The following CKAP5 variants were observed in gnomAD, a reference collection of about 807,000 sequenced individuals.
CKAP5 encodes the protein cytoskeleton associated protein 5.
CKAP5 carries 27 observed loss-of-function variants against 232.8 expected under a neutral mutation model. The ratio of observed to expected loss-of-function variants is 0.12; its 90% CI spans 0.09 to 0.16. The LOEUF is 0.16. CKAP5 is among the 10% of genes least tolerant of loss of function. CKAP5 has a pLI of 1.00. For missense variants in CKAP5, 1,838 were observed against 2,424.7 expected, an observed-to-expected ratio of 0.76 and a Z score of 5.08; for synonymous variants, 785 against 841.1, an observed-to-expected ratio of 0.93 and a Z score of 1.16.
chr11:46,760,295 CAGAAGTT>C, intron 33 of CKAP5: 1 of 449,076 alleles, frequency 2.2e-6, no homozygotes, highest in South Asian at 1.9e-5. Flanking sequence ...GAATCCAAGT[CAGAAGTT>C]AGAAAGATAT....
Position 46,816,424 on chromosome 11 carries a change from A to G in CKAP5, c.252-20T>C. ...GTGGTTCTGTAACATATTATAAAGA[A>G]CAAAAATCCCACTTAAGTAGTAAGA... On this transcript the variant is annotated intron_variant, in intron 3 of 43. Coordinates refer to ENST00000529230, the MANE Select transcript of CKAP5 (RefSeq NM_001008938.4). The G allele has an allele frequency of 1.9e-6, 3 of 1,603,788 alleles. No homozygotes were observed. Among genetic ancestry groups the G allele is most frequent in the Non-Finnish European group, 1.7e-6 (2 of 1,172,164 alleles).
chr11:46,747,510 G>T (rs773359629), intron 42 of CKAP5, among the ~76,000 whole-genome samples: 2 of 150,908 alleles, frequency 1.3e-5, no homozygotes, highest in African/African-American at 2.4e-5. Context: ...GCTGAGGCAA[G>T]AGAATCTCTT....
chr11:46,768,326 G>C (rs2134602061), intron 26 of CKAP5, among the ~76,000 whole-genome samples: 1 of 151,604 alleles, frequency 6.6e-6, no homozygotes, highest in South Asian at 2.1e-4. Flanking sequence ...GAATAGCTGG[G>C]ACTACAGGCG....
intron 4 of CKAP5, among the ~76,000 whole-genome samples, chr11:46,813,919 GC>G (rs995901143): frequency 6.6e-6 from 1 of 151,834 alleles, no homozygotes; most frequent in Non-Finnish European, 1.5e-5. Context: ...ATCACTTGAT[GC>G]CAGGAGTTCC....
Position 46,763,194 on chromosome 11 carries a change from A to T in CKAP5, c.3688-15T>A. Reference sequence around the variant, plus strand: ...CTCTCCAAGTGCTTAAAATAAAACAAAACAAAACTCCCACAAATAAGAATA... The same window carrying T: ...CTCTCCAAGTGCTTAAAATAAAACATAACAAAACTCCCACAAATAAGAATA... On this transcript the variant is annotated splice_polypyrimidine_tract_variant and intron_variant, in intron 29 of 43. Coordinates refer to ENST00000529230, the MANE Select transcript of CKAP5 (RefSeq NM_001008938.4). The T allele has an allele frequency of 1.3e-6, 2 of 1,545,262 alleles. No individual in the cohort carries two copies. The highest frequency in any genetic ancestry group is 2.8e-5 in the African/African-American group (2 of 72,162).
At chr11:46,756,754 A>ATT (rs59822318) in intron 35 of CKAP5, among the ~76,000 whole-genome samples, 158 of 128,062 alleles carry the variant, frequency 1.2e-3, no homozygotes, top group East Asian at 2.8e-3. Flanking sequence ...TGGACCTTGA[A>ATT]TTTTTTTTTT....
At position 46,839,922 on chromosome 11, in the gene CKAP5, T is replaced by C. The variant is rs144050714; in HGVS notation, c.-38+6298A>G. 1.3e-4 allele frequency among the ~76,000 whole-genome samples: 20 copies of C among 152,184 alleles called. No homozygotes were observed. In the East Asian group the frequency reaches 3.9e-3, roughly 29 times the overall value. The stretch of plus-strand genomic sequence containing the variant: ...GGGAGGGTAAGGAGGGCAGATTGCT[T>C]AAGCCCAGGAGTTTGAGACCAGCCT... On this transcript the variant is annotated intron_variant, in intron 1 of 43. Coordinates refer to ENST00000529230, the MANE Select transcript of CKAP5 (RefSeq NM_001008938.4).
Position 46,790,040 on chromosome 11 carries a change from AT to A in CKAP5, c.1875+35del, listed in dbSNP as rs764791157. The stretch of plus-strand genomic sequence containing the variant: ...AATTTCGCTGCTTCCATATAATCTA[AT>A]TTTCTTTCACACTCAATTCTTCCCT... On this transcript the variant is annotated intron_variant, in intron 15 of 43. Transcript: ENST00000529230. 2.2e-6 allele frequency: 3 copies of A among 1,379,324 alleles called. No homozygotes were observed. The Admixed American group carries it at 5.6e-5, about 26-fold the overall frequency. 85.4% of individuals were successfully genotyped at this position (1,379,324 alleles called of 1,614,324 possible).
At chr11:46,783,510 T>G (rs1282834129) in intron 17 of CKAP5, 142 bp from the exon 18 acceptor site, 1 of 563,646 alleles carries the variant, frequency 1.8e-6, no homozygotes, top group Non-Finnish European at 3.1e-6. Flanking sequence ...AGAGTGAACC[T>G]ACACAAGAAA....
chr11:46,765,131 C>A lies in CKAP5; in HGVS notation c.3537G>T (p.Lys1179Asn). 6.2e-7 allele frequency: 1 copy of A among 1,610,752 alleles called. No individual in the cohort carries two copies. The change falls in exon 28 of 44, where the codon AAG (lysine) becomes AAT (asparagine). Residue 1179 changes from lysine to asparagine, a missense_variant and splice_region_variant. Lys to Asn is a moderately conservative substitution (Grantham distance 94). Coordinates refer to ENST00000529230, the MANE Select transcript of CKAP5 (RefSeq NM_001008938.4). Reference sequence around the variant, plus strand: ...CTGACGATTCTTAATCCTTCCTTACCTTCAATCCTTTTTCATCTTTCATCC... The same window carrying A: ...CTGACGATTCTTAATCCTTCCTTACATTCAATCCTTTTTCATCTTTCATCC... ...EQRMKDEKGL[K>N]VLKWNFTTPR...
At chr11:46,831,323 C>T (rs750181591) in intron 1 of CKAP5, among the ~76,000 whole-genome samples, 16 of 151,932 alleles carry the variant, frequency 1.1e-4, no homozygotes, top group Non-Finnish European at 1.9e-4. Context: ...CTTTAAAATT[C>T]CCACTTAGAG....
At chr11:46,778,426 A>C (rs1170763101) in intron 21 of CKAP5, 34 bp downstream of exon 21, 5 of 1,612,112 alleles carry the variant, frequency 3.1e-6, no homozygotes, top group Admixed American at 1.7e-5. Context: ...CAATACAATG[A>C]ATGAAATAAA....
At chr11:46,756,311 C>T (rs2065110275) in intron 35 of CKAP5, among the ~76,000 whole-genome samples, 2 of 152,152 alleles carry the variant, frequency 1.3e-5, no homozygotes. Context: ...TGAATTCACT[C>T]TTGCCATGCA....
intron 24 of CKAP5, among the ~76,000 whole-genome samples, chr11:46,773,687 C>A (rs2065268649): frequency 6.6e-6 from 1 of 151,694 alleles, no homozygotes; most frequent in African/African-American, 2.4e-5. Flanking sequence ...GGACTATAGG[C>A]CCGCACCACC....
At position 46,759,406 on chromosome 11, in the gene CKAP5, G is replaced by A; in HGVS notation, c.4431C>T (p.Ala1477=). The change falls in exon 34 of 44, where the codon GCC becomes GCT. Residue 1477 remains alanine, a synonymous_variant. Transcript: ENST00000529230. ...GCTGGAATTCTCGGCGGACCATCTGGGCTGCCTCAGGATGCCCACTCATGC... is the reference window on the plus strand; with the variant it reads ...GCTGGAATTCTCGGCGGACCATCTGAGCTGCCTCAGGATGCCCACTCATGC... ...ARSMSGHPEA[A]QMVRREFQLD... is the part of the protein sequence containing the mutation. 1 of 1,613,986 alleles carries A rather than the reference G, an allele frequency of 6.2e-7. No homozygotes were observed. Among genetic ancestry groups the A allele is most frequent in the South Asian group, 1.1e-5 (1 of 91,068 alleles).
chr11:46,747,243 T>C (rs1333590525), intron 42 of CKAP5, among the ~76,000 whole-genome samples: 1 of 152,142 alleles, frequency 6.6e-6, no homozygotes, highest in Non-Finnish European at 1.5e-5. Flanking sequence ...TAATAAATAC[T>C]ACATTATATA....
In CKAP5 at chr11:46,816,402, G is replaced by A; in HGVS notation, c.254C>T (p.Thr85Ile). 1 of 1,613,256 alleles carries A rather than the reference G, an allele frequency of 6.2e-7. No homozygotes were observed. Among genetic ancestry groups the A allele is most frequent in the African/African-American group, 1.3e-5 (1 of 74,966 alleles). Reference protein sequence around the residue: ...YVENAHVAGKTTGEVVSGVVS... With the variant: ...YVENAHVAGKITGEVVSGVVS... ...AACACCTGACACAACTTCTCCTGTG[G>A]TTCTGTAACATATTATAAAGAACAA... The change falls in exon 4 of 44, where the codon ACC (threonine) becomes ATC (isoleucine). Residue 85 changes from threonine to isoleucine, a missense_variant and splice_region_variant. This residue lies in a region of CKAP5 where 285 missense variants were observed against 300.0 expected (regional missense o/e 0.95). Transcript: ENST00000529230.
At chr11:46,750,147 G>A (rs2065052310) in intron 42 of CKAP5, 127 bp downstream of exon 42, 1 of 853,658 alleles carries the variant, frequency 1.2e-6, no homozygotes, top group Admixed American at 2.6e-5. Context: ...TATAGCAATG[G>A]GAAGGCCATT....
intron 35 of CKAP5, among the ~76,000 whole-genome samples, chr11:46,755,914 G>A (rs943456196): frequency 6.6e-6 from 1 of 152,128 alleles, no homozygotes; most frequent in Non-Finnish European, 1.5e-5. Flanking sequence ...GGGTGACAAA[G>A]CGAGACTCCG....
Sources: allele counts gnomAD v4.1 joint callset (sites outside exome capture counted in the v4.1 genomes callset), GRCh38; gene constraint gnomAD v4.1.1; regional missense constraint gnomAD v4.1.1; transcripts MANE v1.5; gene names NCBI Gene and HGNC (gene_info 2026-07-23, HGNC 2026-07-21).